The following MAGI1 variants were observed in gnomAD, a reference collection of about 807,000 sequenced individuals.
MAGI1 encodes membrane-associated guanylate kinase, WW and PDZ domain-containing protein 1.
MAGI1 carries 58 observed loss-of-function variants against 139.9 expected under a neutral mutation model. That is an observed-to-expected ratio of 0.41 (90% CI 0.34 to 0.52). The LOEUF (loss-of-function observed/expected upper bound fraction) is 0.52, where lower values mean the gene tolerates loss of function less well. MAGI1 is among the 20% of genes least tolerant of loss of function. The pLI, the probability that MAGI1 is intolerant of heterozygous loss-of-function variation, is 0.12. For synonymous variants in MAGI1, 812 were observed against 737.9 expected (o/e 1.10, Z -1.63); for missense variants, 1,874 against 1,901.6 (o/e 0.99, Z 0.27).
chr3:65,892,939 G>T (rs1384600177), intron 1 of MAGI1, among the ~76,000 whole-genome samples: 1 of 152,162 alleles, frequency 6.6e-6, no homozygotes, highest in Admixed American at 6.5e-5. Context: ...AGAAATGTGA[G>T]CTCAGATTTG....
intron 1 of MAGI1, among the ~76,000 whole-genome samples, chr3:65,672,265 T>C (rs2107468295): frequency 6.6e-6 from 1 of 152,354 alleles, no homozygotes; most frequent in South Asian, 2.1e-4. Flanking sequence ...ATGGAGGCTT[T>C]AGTCTGACAA....
chr3:65,790,847 G>C (rs2039712256), intron 1 of MAGI1, among the ~76,000 whole-genome samples: 2 of 152,172 alleles, frequency 1.3e-5, no homozygotes, highest in African/African-American at 4.8e-5. Context: ...GGCCAAGGCA[G>C]GCAGATCACT....
chr3:65,549,617 C>G lies in MAGI1; in HGVS notation c.431-55986G>C, dbSNP rs535787724. 7.3e-4 allele frequency: 234 copies of G among 319,034 alleles called. 1 individual carries two copies. Among genetic ancestry groups the G allele is most frequent in the African/African-American group, 5.1e-3 (227 of 44,690 alleles). The allele number at this position is 319,034 out of a possible 1,614,324, so 19.8% of individuals were successfully genotyped here. On this transcript the variant is annotated intron_variant, in intron 2 of 22. Transcript: ENST00000402939. ...CAATGCGCGCTATTCACACTCCGGG[C>G]TGCGGCTGGTACCCCTCTACACGCC... is the stretch of plus-strand genomic sequence containing the variant.
chr3:65,431,507 T>C (rs771630354), intron 10 of MAGI1, among the ~76,000 whole-genome samples: 9 of 152,156 alleles, frequency 5.9e-5, no homozygotes, highest in Non-Finnish European at 1.3e-4. Context: ...ATTAAATTTG[T>C]GATATAGCCA....
In MAGI1 at chr3:65,950,067, C is replaced by CA. The variant is rs61696952; in HGVS notation, c.313+87928dup. 2.2e-3 allele frequency among the ~76,000 whole-genome samples: 169 copies of CA among 76,648 alleles called. 2 individuals are homozygous for CA. The Middle Eastern group carries it at 0.029, about 13-fold the overall frequency. 50.3% of individuals were successfully genotyped at this position (76,648 alleles called of 152,430 possible). A position where few individuals can be genotyped will look rare whatever the true frequency, so the allele number is the denominator to read the frequency against. ...ATCAAAAAAAAAAAAAACAAAAAAA[C>CA]AAAAAAAAAACAAAAAAAAAAACAA... On this transcript the variant is annotated intron_variant, in intron 1 of 22. Coordinates refer to ENST00000402939, the MANE Select transcript of MAGI1 (RefSeq NM_001033057.2).
rs575913890 is a variant in MAGI1, at chr3:65,469,544, C to T, written c.959+739G>A. ...CATTTTATAAATCTGAAAGACTTTCCTGTCTCTCTGTTCTCAAACCTAATT... is the reference window on the plus strand; with the variant it reads ...CATTTTATAAATCTGAAAGACTTTCTTGTCTCTCTGTTCTCAAACCTAATT... On this transcript the variant is annotated intron_variant, in intron 5 of 22. Coordinates refer to ENST00000402939, the MANE Select transcript of MAGI1 (RefSeq NM_001033057.2). Among the ~76,000 whole-genome samples, 3 of 151,812 alleles carry T rather than the reference C, an allele frequency of 2.0e-5. No individual in the cohort carries two copies. In the South Asian group the frequency reaches 6.2e-4, roughly 32 times the overall value.
intron 2 of MAGI1, among the ~76,000 whole-genome samples, chr3:65,580,349 T>A (rs1029371697): frequency 2.6e-5 from 4 of 151,810 alleles, no homozygotes; most frequent in Non-Finnish European, 5.9e-5. Context: ...TAATCTCGCA[T>A]CTTGCTTTTA....
chr3:65,886,859 G>C (rs531374387), intron 1 of MAGI1, among the ~76,000 whole-genome samples: 1 of 152,140 alleles, frequency 6.6e-6, no homozygotes, highest in African/African-American at 2.4e-5. Context: ...CAGAAAGCTT[G>C]AACAAAATAA....
chr3:65,899,282 G>A (rs1321539015), intron 1 of MAGI1, among the ~76,000 whole-genome samples: 2 of 152,126 alleles, frequency 1.3e-5, no homozygotes, highest in African/African-American at 4.8e-5. Flanking sequence ...ATTCACAGTG[G>A]AAAAAGTAAA....
intron 1 of MAGI1, among the ~76,000 whole-genome samples, chr3:65,715,856 C>T (rs2032173722): frequency 6.6e-6 from 1 of 152,168 alleles, no homozygotes; most frequent in Non-Finnish European, 1.5e-5. Context: ...TTGTAGAATT[C>T]CTTCCGTTTT....
chr3:65,453,096 C>T, intron 6 of MAGI1, 162 bp downstream of exon 6: 1 of 630,216 alleles, frequency 1.6e-6, no homozygotes, highest in Non-Finnish European at 2.8e-6. Flanking sequence ...ACAACTCTGA[C>T]TTTCTTCCTG....
intron 1 of MAGI1, among the ~76,000 whole-genome samples, chr3:65,715,597 G>C (rs1408735453): frequency 6.6e-6 from 1 of 152,048 alleles, no homozygotes; most frequent in African/African-American, 2.4e-5. Flanking sequence ...GGAAATGGCA[G>C]GTACAAAAAG....
chr3:66,008,165 G>A (rs1387051983), intron 1 of MAGI1, among the ~76,000 whole-genome samples: 1 of 152,108 alleles, frequency 6.6e-6, no homozygotes, highest in Non-Finnish European at 1.5e-5. Flanking sequence ...CCAAAGTGCT[G>A]GGATCATAGG....
intron 1 of MAGI1, among the ~76,000 whole-genome samples, chr3:66,023,876 T>C (rs2068090526): frequency 6.6e-6 from 1 of 152,188 alleles, no homozygotes; most frequent in African/African-American, 2.4e-5. Context: ...CACCCAGTTC[T>C]AAGACCCGGC....
intron 1 of MAGI1, among the ~76,000 whole-genome samples, chr3:65,986,612 C>T (rs182012619): frequency 8.7e-4 from 132 of 152,280 alleles, no homozygotes; most frequent in Admixed American, 2.3e-3. Context: ...TTTCCAAAAG[C>T]TTGGTTCTGG....
chr3:65,695,026 G>A (rs972375076), intron 1 of MAGI1, among the ~76,000 whole-genome samples: 1 of 152,074 alleles, frequency 6.6e-6, no homozygotes, highest in Non-Finnish European at 1.5e-5. Flanking sequence ...TAAATTAGAT[G>A]GGCATTTATT....
chr3:65,931,233 C>T (rs1170846448), intron 1 of MAGI1, among the ~76,000 whole-genome samples: 1 of 152,138 alleles, frequency 6.6e-6, no homozygotes, highest in African/African-American at 2.4e-5. Context: ...TGAGGTTTCA[C>T]TGTGTTAGCC....
intron 3 of MAGI1, among the ~76,000 whole-genome samples, chr3:65,489,074 T>C (rs977755716): frequency 1.3e-5 from 2 of 152,184 alleles, no homozygotes; most frequent in Non-Finnish European, 2.9e-5. Flanking sequence ...ATCTTTGATT[T>C]ACCATGTGAA....
At chr3:65,591,956 T>G (rs1407093109) in intron 2 of MAGI1, among the ~76,000 whole-genome samples, 1 of 152,198 alleles carries the variant, frequency 6.6e-6, no homozygotes, top group Non-Finnish European at 1.5e-5. Flanking sequence ...ACCCCCTTAC[T>G]CTGCTCTGCT....
Sources: gnomAD v4.1 joint callset for allele counts (sites outside exome capture counted in the v4.1 genomes callset) on GRCh38, gnomAD v4.1.1 for gene constraint, MANE v1.5 for transcripts, NCBI Gene and HGNC (gene_info 2026-07-23, HGNC 2026-07-21) for gene names.